Variants in VKORC1L1 observed in about 807,000 individuals in gnomAD.
VKORC1L1 encodes vitamin K epoxide reductase complex subunit 1L1, also known as vitamin K epoxide reductase complex subunit 1-like protein 1.
Under a neutral mutation model 18.9 loss-of-function variants are expected in VKORC1L1, and 2 were observed. The ratio of observed to expected loss-of-function variants is 0.11; its 90% CI spans 0.04 to 0.33. The LOEUF (loss-of-function observed/expected upper bound fraction) is 0.33. VKORC1L1 is among the 10% of genes least tolerant of loss of function. The pLI is 1.00. For missense variants in VKORC1L1, 123 were observed against 224.1 expected, an observed-to-expected ratio of 0.55 and a Z score of 2.88; for synonymous variants, 96 against 100.0, an observed-to-expected ratio of 0.96 and a Z score of 0.24.
intron 1 of VKORC1L1, among the ~76,000 whole-genome samples, chr7:65,929,995 G>A (rs977770452): frequency 7.2e-5 from 11 of 151,820 alleles, no homozygotes; most frequent in African/African-American, 1.9e-4. Context: ...AATACTACAC[G>A]TATTTTGTTA....
upstream of VKORC1L1, among the ~76,000 whole-genome samples, chr7:65,868,942 C>T (rs539144727): frequency 3.7e-3 from 559 of 152,106 alleles, 5 homozygotes; most frequent in African/African-American, 0.013. Flanking sequence ...AATATTTGCC[C>T]CTGGTCCAGT....
chr7:65,921,779 C>T (rs1223151472), intron 1 of VKORC1L1, among the ~76,000 whole-genome samples: 4 of 151,032 alleles, frequency 2.6e-5, no homozygotes, highest in East Asian at 3.9e-4. Flanking sequence ...ACCCGGGAGG[C>T]GGAGCTTGCA....
intron 1 of VKORC1L1, among the ~76,000 whole-genome samples, chr7:65,884,362 A>G (rs756495416): frequency 1.6e-4 from 25 of 152,130 alleles, no homozygotes; most frequent in Non-Finnish European, 3.1e-4. Context: ...AACATGTCAC[A>G]GCAGGGCACG....
At chr7:65,901,909 G>GT (rs1789324538) in intron 1 of VKORC1L1, among the ~76,000 whole-genome samples, 1 of 152,138 alleles carries the variant, frequency 6.6e-6, no homozygotes, top group African/African-American at 2.4e-5. Flanking sequence ...ATTAGCCAGA[G>GT]TATATACAAG....
At chr7:65,891,516 G>C (rs1489908399) in intron 1 of VKORC1L1, among the ~76,000 whole-genome samples, 1 of 151,926 alleles carries the variant, frequency 6.6e-6, no homozygotes, top group Non-Finnish European at 1.5e-5. Context: ...TAATTTTCTG[G>C]TTGGTTTGTA....
chr7:65,904,329 C>A (rs757803972), intron 1 of VKORC1L1, among the ~76,000 whole-genome samples: 45 of 152,148 alleles, frequency 3.0e-4, no homozygotes, highest in South Asian at 2.1e-4. Context: ...ACAAGCCTCC[C>A]GAGTAGGTGG....
At chr7:65,948,195 G>T (rs1338511696) in intron 1 of VKORC1L1, among the ~76,000 whole-genome samples, 1 of 152,120 alleles carries the variant, frequency 6.6e-6, no homozygotes, top group Non-Finnish European at 1.5e-5. Flanking sequence ...GGATGGAGGA[G>T]TACTGGCAGC....
intron 1 of VKORC1L1, among the ~76,000 whole-genome samples, chr7:65,903,805 C>T (rs1412219690): frequency 1.3e-5 from 2 of 148,230 alleles, no homozygotes; most frequent in Admixed American, 1.3e-4. Context: ...CCTACTGGAA[C>T]TTGTTGCCAG....
chr7:65,913,920 A>T (rs1412656456), intron 1 of VKORC1L1, among the ~76,000 whole-genome samples: 1 of 151,972 alleles, frequency 6.6e-6, no homozygotes, highest in Non-Finnish European at 1.5e-5. Flanking sequence ...AGTACTAGGT[A>T]TATGGGAGAG....
intron 1 of VKORC1L1, among the ~76,000 whole-genome samples, chr7:65,881,540 T>C (rs772037010): frequency 1.3e-5 from 2 of 152,138 alleles, no homozygotes; most frequent in African/African-American, 2.4e-5. Context: ...ATGAGGGAGC[T>C]GTGTAGGGAT....
chr7:65,905,815 C>T (rs918091375), intron 1 of VKORC1L1, among the ~76,000 whole-genome samples: 4 of 152,002 alleles, frequency 2.6e-5, no homozygotes, highest in Non-Finnish European at 2.9e-5. Context: ...ATAAAAACAT[C>T]GCCACCCAGA....
chr7:65,911,903 T>C (rs1789508063), intron 1 of VKORC1L1, among the ~76,000 whole-genome samples: 1 of 152,226 alleles, frequency 6.6e-6, no homozygotes, highest in Non-Finnish European at 1.5e-5. Flanking sequence ...ATGCATTAAG[T>C]CCATAGAAAA....
At chr7:65,893,567 A>T (rs1380130848) in intron 1 of VKORC1L1, among the ~76,000 whole-genome samples, 1 of 151,946 alleles carries the variant, frequency 6.6e-6, no homozygotes, top group African/African-American at 2.4e-5. Flanking sequence ...AAATAAATAA[A>T]TTTCCTGTTT....
upstream of VKORC1L1, among the ~76,000 whole-genome samples, chr7:65,871,178 TTTTC>T (rs888760193): frequency 5.9e-5 from 9 of 151,892 alleles, no homozygotes; most frequent in African/African-American, 1.2e-4. Flanking sequence ...ACTATTTTCT[TTTTC>T]TTTCTTTCTT....
intron 1 of VKORC1L1, among the ~76,000 whole-genome samples, chr7:65,896,914 G>A (rs1251241190): frequency 1.3e-5 from 2 of 152,140 alleles, no homozygotes; most frequent in Non-Finnish European, 2.9e-5. Context: ...CAAGAGGATT[G>A]CTTGAACCTG....
chr7:65,924,763 TGTG>T (rs1184255308), intron 1 of VKORC1L1, among the ~76,000 whole-genome samples: 1 of 152,218 alleles, frequency 6.6e-6, no homozygotes, highest in Non-Finnish European at 1.5e-5. Flanking sequence ...TTTTTGCAGA[TGTG>T]GTAACAAATG....
At chr7:65,920,362 A>G (rs935663817) in intron 1 of VKORC1L1, among the ~76,000 whole-genome samples, 7 of 152,100 alleles carry the variant, frequency 4.6e-5, no homozygotes, top group East Asian at 1.9e-4. Flanking sequence ...TGGGCACTCA[A>G]TAAGTATTTT....
intron 1 of VKORC1L1, among the ~76,000 whole-genome samples, chr7:65,888,317 TG>T (rs1389850873): frequency 6.6e-6 from 1 of 152,172 alleles, no homozygotes; most frequent in Non-Finnish European, 1.5e-5. Context: ...AACTAGGACT[TG>T]GGCACCAAAC....
intron 2 of VKORC1L1, among the ~76,000 whole-genome samples, chr7:65,952,701 T>A (rs546626991): frequency 6.6e-6 from 1 of 151,734 alleles, no homozygotes; most frequent in East Asian, 1.9e-4. Flanking sequence ...GCACATATTC[T>A]CTATACTGTT....
Sources: gnomAD v4.1 joint callset for allele counts (sites outside exome capture counted in the v4.1 genomes callset) on GRCh38, gnomAD v4.1.1 for gene constraint, MANE v1.5 for transcripts, NCBI Gene and HGNC (gene_info 2026-07-23, HGNC 2026-07-21) for gene names.